The following CPNE1 variants were observed in gnomAD, a reference collection of about 807,000 sequenced individuals.
The protein encoded by CPNE1 is copine 1, also known as copine-1.
In CPNE1, 58 loss-of-function variants were observed where a neutral mutation model predicts 63.2. The ratio of observed to expected loss-of-function variants is 0.92; its 90% CI spans 0.74 to 1.14. CPNE1 has a LOEUF of 1.14. Ranked by LOEUF, CPNE1 falls within the 50% of genes most tolerant of loss-of-function variation. The pLI is 0.00. For missense variants in CPNE1, 672 were observed against 661.7 expected (o/e 1.02, Z -0.17); for synonymous variants, 237 against 249.0 (o/e 0.95, Z 0.45).
At chr20:35,662,925 TA>T (rs1162582388) in intron 1 of CPNE1, among the ~76,000 whole-genome samples, 2 of 152,210 alleles carry the variant, frequency 1.3e-5, no homozygotes, top group Non-Finnish European at 2.9e-5. Flanking sequence ...GATTTGAACA[TA>T]AAGAAAATGA....
chr20:35,631,786 G>A lies in CPNE1; in HGVS notation c.538-9C>T, dbSNP rs2273356. On this transcript the variant is annotated splice_polypyrimidine_tract_variant and intron_variant, in intron 6 of 15. Transcript: ENST00000397443. Reference sequence around the variant, plus strand: ...AGGTTGTTCTTGATGACCTGAAGGTGGAGGCCAAGGCCTCCAGTGAGCTCT... The same window carrying A: ...AGGTTGTTCTTGATGACCTGAAGGTAGAGGCCAAGGCCTCCAGTGAGCTCT... The A allele has an allele frequency of 4.9e-4, 795 of 1,611,878 alleles. 10 individuals are homozygous for A. In the East Asian group the frequency reaches 0.014, roughly 28 times the overall value.
intron 1 of CPNE1, among the ~76,000 whole-genome samples, chr20:35,662,660 G>A (rs919824054): frequency 6.6e-6 from 1 of 152,138 alleles, no homozygotes; most frequent in Non-Finnish European, 1.5e-5. Flanking sequence ...TGACAGAATG[G>A]CTCTCTGCAA....
At chr20:35,661,880 T>A (rs1232731641) in intron 1 of CPNE1, among the ~76,000 whole-genome samples, 1 of 152,220 alleles carries the variant, frequency 6.6e-6, no homozygotes, top group African/African-American at 2.4e-5. Context: ...ACAGCAGAGC[T>A]AGGTTCTTCA....
intron 1 of CPNE1, chr20:35,650,584 TGAG>T (rs1306875098): frequency 2.0e-5 from 3 of 152,614 alleles, no homozygotes; most frequent in African/African-American, 7.2e-5. Flanking sequence ...CTTTTGAAAT[TGAG>T]GAGGCAGTAT....
intron 1 of CPNE1, chr20:35,658,802 A>ACAC (rs2034058571): frequency 2.0e-4 from 93 of 473,576 alleles, no homozygotes; most frequent in African/African-American, 1.4e-3. Context: ...AGCAAACAAA[A>ACAC]ACACACACAC....
intron 1 of CPNE1, among the ~76,000 whole-genome samples, chr20:35,639,534 C>G (rs1286251958): frequency 6.6e-6 from 1 of 152,112 alleles, no homozygotes; most frequent in Non-Finnish European, 1.5e-5. Flanking sequence ...CAGGGTTTCA[C>G]CATGTTGGCT....
chr20:35,640,739 G>T (rs1316697741), intron 1 of CPNE1, among the ~76,000 whole-genome samples: 1 of 152,164 alleles, frequency 6.6e-6, no homozygotes, highest in Non-Finnish European at 1.5e-5. Context: ...CCAACGCCTG[G>T]AACACAGCAG....
At chr20:35,627,853 T>C (rs1425060733) in intron 13 of CPNE1, among the ~76,000 whole-genome samples, 1 of 152,012 alleles carries the variant, frequency 6.6e-6, no homozygotes, top group Admixed American at 6.6e-5. Flanking sequence ...ATGTTAAAAC[T>C]AGAGAGTATA....
rs748496217 is a variant in CPNE1 at position 35,626,121 on chromosome 20, G to C, written c.*120C>G. 2 of 1,065,734 alleles carry C rather than the reference G, an allele frequency of 1.9e-6. No homozygotes were observed. Among genetic ancestry groups the C allele is most frequent in the South Asian group, 2.6e-5 (2 of 76,472 alleles). The allele number at this position is 1,065,734 out of a possible 1,614,324, so 66.0% of individuals were successfully genotyped here. A position where few individuals can be genotyped will look rare whatever the true frequency, so the allele number is the denominator to read the frequency against. ...TCAAGAGCAGCAAAAGCAGAAACAAGTATAAAAGTATCAAAAAATACAAAG... is the reference window on the plus strand; with the variant it reads ...TCAAGAGCAGCAAAAGCAGAAACAACTATAAAAGTATCAAAAAATACAAAG... On this transcript the variant is annotated 3_prime_UTR_variant, in exon 16 of 16. Coordinates refer to ENST00000397443, the MANE Select transcript of CPNE1 (RefSeq NM_152925.3).
chr20:35,631,992 A>C lies in CPNE1; in HGVS notation c.490T>G (p.Phe164Val). 1.2e-6 allele frequency: 2 copies of C among 1,614,064 alleles called. No homozygotes were observed. Among genetic ancestry groups the C allele is most frequent in the Non-Finnish European group, 1.7e-6 (2 of 1,179,992 alleles). The change falls in exon 6 of 16, where the codon TTC becomes GTC. Residue 164 changes from phenylalanine (F) to valine (V), a missense_variant. Phe to Val is a conservative substitution (Grantham distance 50). Transcript: ENST00000397443. Reference sequence around the variant, plus strand: ...CATTTCCCATCACCCTGGCGGAAGAACTCCAGAAATGGATCTGATTTTCCC... The same window carrying C: ...CATTTCCCATCACCCTGGCGGAAGACCTCCAGAAATGGATCTGATTTTCCC... ...FLGKSDPFLEFFRQGDGKWHL... is the reference protein window; with the variant it reads ...FLGKSDPFLEVFRQGDGKWHL...
chr20:35,629,884 C>T (rs980986037), intron 13 of CPNE1, among the ~76,000 whole-genome samples: 1 of 150,472 alleles, frequency 6.6e-6, no homozygotes. Flanking sequence ...GTCTCAAATT[C>T]CTGGGCTCAA....
chr20:35,633,663 A>T (rs933130897), intron 1 of CPNE1, among the ~76,000 whole-genome samples: 1 of 152,192 alleles, frequency 6.6e-6, no homozygotes, highest in Non-Finnish European at 1.5e-5. Context: ...CTATTAAAAC[A>T]TAAGTGAGGC....
At position 35,631,266 on chromosome 20, in the gene CPNE1, A is replaced by AC; in HGVS notation, c.801+1dup. ...CCTTGGTTACATGGGCTTTTGTCTC[A>AC]CCCGACAAATCTTGACACGGATAGT... On this transcript the variant is annotated splice_donor_variant, in intron 9 of 15. Coordinates refer to ENST00000397443, the MANE Select transcript of CPNE1 (RefSeq NM_152925.3). LOFTEE classifies it high-confidence loss of function. 6.2e-7 allele frequency: 1 copy of AC among 1,614,022 alleles called. No homozygotes were observed. Among genetic ancestry groups the AC allele is most frequent in the Non-Finnish European group, 8.5e-7 (1 of 1,179,952 alleles).
chr20:35,630,778 G>A lies in CPNE1; in HGVS notation c.1013C>T (p.Ala338Val). The change falls in exon 12 of 16, where the codon GCA becomes GTA. Residue 338 changes from alanine to valine, a missense_variant. Ala to Val is a moderately conservative substitution (Grantham distance 64). Transcript: ENST00000397443. ...QDYDSDKLFP[A>V]FGFGAQVPPD... ...GGGAACCTGGGCCCCAAATCCAAAT[G>A]CAGGGAACAGCTTGTCTCTGTGGGA... 1 of 1,613,878 alleles carries A rather than the reference G, an allele frequency of 6.2e-7. No homozygotes were observed. Among genetic ancestry groups the A allele is most frequent in the Non-Finnish European group, 8.5e-7 (1 of 1,179,886 alleles).
rs185237533 is a variant in CPNE1 at position 35,628,724 on chromosome 20, G to A, written c.1103-1311C>T. Reference sequence around the variant, plus strand: ...TATGTGCTAACTGAACGCAATGTGTGATCTGAGATTTTCTTTTGCTGTAAA... The same window carrying A: ...TATGTGCTAACTGAACGCAATGTGTAATCTGAGATTTTCTTTTGCTGTAAA... On this transcript the variant is annotated intron_variant, in intron 13 of 15. Transcript: ENST00000397443. Among the ~76,000 whole-genome samples, 339 of 152,360 alleles carry A rather than the reference G, an allele frequency of 2.2e-3. 7 individuals are homozygous for A. In the South Asian group the frequency reaches 0.047, roughly 21 times the overall value.
intron 1 of CPNE1, among the ~76,000 whole-genome samples, chr20:35,655,515 A>G (rs2033843157): frequency 6.6e-6 from 1 of 152,252 alleles, no homozygotes; most frequent in Admixed American, 6.5e-5. Flanking sequence ...TGCCATTTAC[A>G]ATGTAAAACG....
At chr20:35,657,661 A>C (rs1033740780) in intron 1 of CPNE1, among the ~76,000 whole-genome samples, 5 of 152,254 alleles carry the variant, frequency 3.3e-5, no homozygotes, top group Admixed American at 6.5e-5. Context: ...AATCTGCCTC[A>C]GATTACCAGC....
intron 1 of CPNE1, among the ~76,000 whole-genome samples, chr20:35,646,346 GGTT>G (rs919489599): frequency 6.7e-6 from 1 of 148,654 alleles, no homozygotes; most frequent in Non-Finnish European, 1.5e-5. Context: ...AGCACAATGT[GGTT>G]GTTATCATTT....
chr20:35,664,326 G>C (rs1306121987), intron 1 of CPNE1: 1 of 152,392 alleles, frequency 6.6e-6, no homozygotes, highest in South Asian at 2.1e-4. Context: ...ATTTCGGGTT[G>C]AAGGAGTGTC....
Sources: allele counts gnomAD v4.1 joint callset (sites outside exome capture counted in the v4.1 genomes callset), GRCh38; gene constraint gnomAD v4.1.1; transcripts MANE v1.5; gene names NCBI Gene and HGNC (gene_info 2026-07-23, HGNC 2026-07-21).